The following ARHGAP15 variants were observed in gnomAD, a reference collection of about 807,000 sequenced individuals.
ARHGAP15 encodes rho GTPase-activating protein 15.
Under a neutral mutation model 63.7 loss-of-function variants are expected in ARHGAP15, and 51 were observed. The observed-to-expected ratio is 0.80, with a 90% CI of 0.64 to 1.01. The LOEUF (loss-of-function observed/expected upper bound fraction) is 1.01. Ranked by LOEUF, ARHGAP15 falls within the 50% of genes least tolerant of loss-of-function variation. The probability of loss-of-function intolerance (pLI) is 0.00; values close to 1 mark genes in which losing one functional copy is unlikely to be tolerated. For synonymous variants in ARHGAP15, 191 were observed against 193.8 expected, an observed-to-expected ratio of 0.99 and a Z score of 0.12; for missense variants, 560 against 564.6, an observed-to-expected ratio of 0.99 and a Z score of 0.08.
intron 13 of ARHGAP15, among the ~76,000 whole-genome samples, chr2:143,760,796 G>A (rs1364814407): frequency 6.6e-6 from 1 of 151,956 alleles, no homozygotes; most frequent in Non-Finnish European, 1.5e-5. Context: ...TCAGAATATA[G>A]CAATAATTCC....
chr2:143,169,839 T>G (rs1177834254), intron 2 of ARHGAP15, among the ~76,000 whole-genome samples: 1 of 151,898 alleles, frequency 6.6e-6, no homozygotes, highest in Non-Finnish European at 1.5e-5. Context: ...TTGTTAGTTA[T>G]GAGCATGATA....
chr2:143,303,639 C>T (rs895174553), intron 6 of ARHGAP15, among the ~76,000 whole-genome samples: 4 of 152,066 alleles, frequency 2.6e-5, no homozygotes, highest in Non-Finnish European at 4.4e-5. Context: ...AGAGCTTCTG[C>T]ACAGCAAAAG....
chr2:143,561,037 A>C (rs1695998650), intron 11 of ARHGAP15, among the ~76,000 whole-genome samples: 1 of 152,180 alleles, frequency 6.6e-6, no homozygotes, highest in South Asian at 2.1e-4. Flanking sequence ...CTTCAGAATG[A>C]TCTGTGACCT....
chr2:143,265,152 G>T (rs967845201), intron 6 of ARHGAP15, among the ~76,000 whole-genome samples: 1 of 151,910 alleles, frequency 6.6e-6, no homozygotes, highest in African/African-American at 2.4e-5. Context: ...CATGGAACAG[G>T]GTGTTCAGAG....
At chr2:143,767,920 T>G (rs1394435774) in intron 13 of ARHGAP15, 69 bp from the exon 14 acceptor site, 3 of 1,424,810 alleles carry the variant, frequency 2.1e-6, no homozygotes, top group Non-Finnish European at 2.9e-6. Flanking sequence ...CCTTTTTTAA[T>G]CACTCCAAAG....
chr2:143,745,229 G>A (rs768109070), intron 13 of ARHGAP15, among the ~76,000 whole-genome samples: 4 of 152,188 alleles, frequency 2.6e-5, no homozygotes, highest in Non-Finnish European at 4.4e-5. Context: ...CTTTTCTGCT[G>A]AATGGCACAT....
At chr2:143,417,686 T>C (rs1688746776) in intron 6 of ARHGAP15, among the ~76,000 whole-genome samples, 1 of 152,210 alleles carries the variant, frequency 6.6e-6, no homozygotes, top group Non-Finnish European at 1.5e-5. Context: ...CAAGCCCATA[T>C]GTTTCAACTT....
chr2:143,139,902 C>G (rs867935971), intron 1 of ARHGAP15, among the ~76,000 whole-genome samples: 2 of 152,124 alleles, frequency 1.3e-5, no homozygotes, highest in South Asian at 2.1e-4. Context: ...GTTACTTAAT[C>G]TTTCTGAGTC....
intron 8 of ARHGAP15, among the ~76,000 whole-genome samples, chr2:143,466,356 C>A (rs1425556692): frequency 6.6e-6 from 1 of 151,396 alleles, no homozygotes; most frequent in Non-Finnish European, 1.5e-5. Context: ...CAGAACTATG[C>A]AATTTCCCAA....
intron 12 of ARHGAP15, among the ~76,000 whole-genome samples, chr2:143,667,461 C>A: frequency 6.8e-6 from 1 of 146,438 alleles, no homozygotes. Flanking sequence ...GGGAGATATA[C>A]CTAATGCTAG....
At chr2:143,523,296 C>A (rs999176951) in intron 10 of ARHGAP15, among the ~76,000 whole-genome samples, 1 of 151,922 alleles carries the variant, frequency 6.6e-6, no homozygotes, top group African/African-American at 2.4e-5. Context: ...AAGAACAGAC[C>A]CTACAAGACA....
At chr2:143,259,700 TC>T (rs1680621855) in intron 6 of ARHGAP15, among the ~76,000 whole-genome samples, 1 of 152,180 alleles carries the variant, frequency 6.6e-6, no homozygotes, top group African/African-American at 2.4e-5. Context: ...ATGTCATTCA[TC>T]TGATGGCAGT....
At chr2:143,427,560 T>C (rs989606465) in intron 6 of ARHGAP15, among the ~76,000 whole-genome samples, 2 of 151,856 alleles carry the variant, frequency 1.3e-5, no homozygotes, top group Non-Finnish European at 2.9e-5. Context: ...TCTTAGATGA[T>C]CTAGTATAGA....
intron 12 of ARHGAP15, among the ~76,000 whole-genome samples, chr2:143,643,427 A>ACCCCCC (rs10540732): frequency 2.6e-4 from 34 of 128,330 alleles, no homozygotes; most frequent in East Asian, 5.3e-4. Flanking sequence ...CCCTCCACCC[A>ACCCCCC]CCCCCCCCCA....
intron 10 of ARHGAP15, among the ~76,000 whole-genome samples, chr2:143,521,599 T>G (rs1197343080): frequency 6.6e-6 from 1 of 152,104 alleles, no homozygotes. Flanking sequence ...GATCCCTCCT[T>G]CTAATGGCCA....
chr2:143,536,616 A>T (rs1337934748), intron 10 of ARHGAP15, among the ~76,000 whole-genome samples: 1 of 150,154 alleles, frequency 6.7e-6, no homozygotes, highest in African/African-American at 2.5e-5. Flanking sequence ...GAACGAGAAC[A>T]TGCGGTGTTT....
At chr2:143,382,622 T>C (rs1687108475) in intron 6 of ARHGAP15, among the ~76,000 whole-genome samples, 1 of 152,176 alleles carries the variant, frequency 6.6e-6, no homozygotes, top group African/African-American at 2.4e-5. Context: ...GGGTTAGGAC[T>C]TTAACATATC....
Position 143,250,580 on chromosome 2 carries a change from A to C in ARHGAP15, c.454A>C (p.Ser152Arg), listed in dbSNP as rs1394891760. ...AHIEWAKEKSSRKNVFQITTV... is the reference protein window; with the variant it reads ...AHIEWAKEKSRRKNVFQITTV... ...CATTGAATGGGCCAAGGAAAAATCG[A>C]GCAGAAAGAATGTCTTTCAGGTAAG... The change falls in exon 6 of 14, where the codon AGC becomes CGC. Residue 152 changes from serine to arginine, a missense_variant. By Grantham distance (110) the Ser-to-Arg change is moderately radical (BLOSUM62 -1). Coordinates refer to ENST00000295095, the MANE Select transcript of ARHGAP15 (RefSeq NM_018460.4). The C allele has an allele frequency of 6.2e-7, 1 of 1,613,120 alleles. No homozygotes were observed. Among genetic ancestry groups the C allele is most frequent in the Non-Finnish European group, 8.5e-7 (1 of 1,179,362 alleles).
chr2:143,525,535 TAAAG>T (rs1023504365), intron 10 of ARHGAP15, among the ~76,000 whole-genome samples: 1 of 152,070 alleles, frequency 6.6e-6, no homozygotes, highest in Non-Finnish European at 1.5e-5. Context: ...GAGGTGATCT[TAAAG>T]AAGCTCCATG....
Sources: allele counts gnomAD v4.1 joint callset (sites outside exome capture counted in the v4.1 genomes callset), GRCh38; gene constraint gnomAD v4.1.1; transcripts MANE v1.5; gene names NCBI Gene and HGNC (gene_info 2026-07-23, HGNC 2026-07-21).